Variants in MCC observed in about 807,000 individuals in gnomAD.
The protein encoded by MCC is MCC regulator of Wnt signaling pathway.
Under a neutral mutation model 116.2 loss-of-function variants are expected in MCC, and 90 were observed. The ratio of observed to expected loss-of-function variants is 0.77; its 90% CI spans 0.65 to 0.92. MCC has a LOEUF of 0.92. Ranked by LOEUF, MCC falls within the 40% of genes least tolerant of loss-of-function variation. MCC has a pLI of 0.00. For synonymous variants in MCC, 578 were observed against 510.5 expected (o/e 1.13, Z -1.78); for missense variants, 1,516 against 1,312.2 (o/e 1.16, Z -2.40).
At position 113,286,245 on chromosome 5, in the gene MCC, G is replaced by A. The variant is rs141060876; in HGVS notation, c.627+54274C>T. 2.9e-3 allele frequency among the ~76,000 whole-genome samples: 444 copies of A among 152,348 alleles called. 1 individual carries two copies. Among genetic ancestry groups the A allele is most frequent in the African/African-American group, 0.01 (422 of 41,568 alleles). ...AGCAAGAAGACTCTAAGAGTGCTGTGTGTTCTATGGACAAGTTCACACAAC... is the reference window on the plus strand; with the variant it reads ...AGCAAGAAGACTCTAAGAGTGCTGTATGTTCTATGGACAAGTTCACACAAC... On this transcript the variant is annotated intron_variant, in intron 3 of 18. Coordinates refer to ENST00000408903, the MANE Select transcript of MCC (RefSeq NM_001085377.2).
intron 2 of MCC, among the ~76,000 whole-genome samples, chr5:113,341,500 A>G (rs1167666769): frequency 2.0e-5 from 3 of 151,990 alleles, no homozygotes; most frequent in Non-Finnish European, 4.4e-5. Context: ...ATGACTTTCT[A>G]CTGTTGATGT....
chr5:113,472,154 C>T (rs59254556), intron 1 of MCC, among the ~76,000 whole-genome samples: 5,163 of 152,204 alleles, frequency 0.034, 137 homozygotes, highest in African/African-American at 0.074. Flanking sequence ...ACGCACGGTG[C>T]GCTGCACTCA....
chr5:113,294,631 T>TGCGGCA (rs1299966161), intron 3 of MCC: 2 of 1,134,644 alleles, frequency 1.8e-6, no homozygotes, highest in Non-Finnish European at 2.2e-6. Context: ...CGCTCGCAGC[T>TGCGGCA]GCGGCAGCGG....
At chr5:113,380,220 C>A (rs528342367) in intron 2 of MCC, among the ~76,000 whole-genome samples, 1 of 152,188 alleles carries the variant, frequency 6.6e-6, no homozygotes, top group Non-Finnish European at 1.5e-5. Context: ...GCTTTTCTCA[C>A]AACAGCACAA....
At chr5:113,086,021 C>T (rs1755178667) in intron 8 of MCC, among the ~76,000 whole-genome samples, 1 of 152,204 alleles carries the variant, frequency 6.6e-6, no homozygotes, top group African/African-American at 2.4e-5. Context: ...AATGTTTATT[C>T]TTTCAGCCCC....
chr5:113,094,232 G>C (rs1055437873), intron 8 of MCC, among the ~76,000 whole-genome samples: 2 of 151,982 alleles, frequency 1.3e-5, no homozygotes, highest in South Asian at 4.2e-4. Context: ...TATTGTTAAT[G>C]GCAATTTTGA....
chr5:113,095,786 G>A, intron 8 of MCC, among the ~76,000 whole-genome samples: 1 of 152,218 alleles, frequency 6.6e-6, no homozygotes, highest in East Asian at 1.9e-4. Flanking sequence ...GCCTTTAGAG[G>A]TATCTGATTT....
chr5:113,273,417 A>T (rs1765687251), intron 3 of MCC, among the ~76,000 whole-genome samples: 1 of 152,224 alleles, frequency 6.6e-6, no homozygotes, highest in African/African-American at 2.4e-5. Flanking sequence ...TGTATACTTC[A>T]TTCTGAGTTA....
intron 1 of MCC, among the ~76,000 whole-genome samples, chr5:113,465,595 T>C (rs1266120601): frequency 6.6e-6 from 1 of 152,136 alleles, no homozygotes; most frequent in African/African-American, 2.4e-5. Flanking sequence ...AAGACGAACA[T>C]TTTAGGAAAA....
chr5:113,252,077 C>T (rs1226557300), intron 3 of MCC, among the ~76,000 whole-genome samples: 1 of 152,214 alleles, frequency 6.6e-6, no homozygotes. Context: ...CACCACAACC[C>T]TATTCCTCCA....
chr5:113,176,945 T>A (rs1324499853), intron 3 of MCC, among the ~76,000 whole-genome samples: 1 of 152,168 alleles, frequency 6.6e-6, no homozygotes, highest in African/African-American at 2.4e-5. Flanking sequence ...CTCTCTAAAC[T>A]GTTCTCCAAA....
chr5:113,414,837 A>C (rs1770098216), intron 1 of MCC, among the ~76,000 whole-genome samples: 1 of 152,172 alleles, frequency 6.6e-6, no homozygotes. Flanking sequence ...TTTGCCCGTT[A>C]GTTGATGCAG....
intron 3 of MCC, among the ~76,000 whole-genome samples, chr5:113,185,085 C>T (rs1007396478): frequency 6.6e-6 from 1 of 152,188 alleles, no homozygotes; most frequent in African/African-American, 2.4e-5. Context: ...TAGGCCACTC[C>T]ACGTGGAGAC....
rs939749280 is a variant in MCC at position 113,022,782 on chromosome 5, C to CTGAT, written c.*4516_*4519dup. 1 of 152,204 alleles carries CTGAT rather than the reference C, an allele frequency of 6.6e-6. No homozygotes were observed. The highest frequency in any genetic ancestry group is 2.4e-5 in the African/African-American group (1 of 41,450). The allele number at this position is 152,204 out of a possible 1,614,324, so 9.4% of individuals were successfully genotyped here. The stretch of plus-strand genomic sequence containing the variant: ...TTGTTCTGCTGAGCTGATATTTCAC[C>CTGAT]TGATTAGCAGATGGATGACTGTGGA... On this transcript the variant is annotated 3_prime_UTR_variant, in exon 19 of 19. Coordinates refer to ENST00000408903, the MANE Select transcript of MCC (RefSeq NM_001085377.2).
chr5:113,093,867 C>T (rs932626931), intron 8 of MCC, among the ~76,000 whole-genome samples: 2 of 152,110 alleles, frequency 1.3e-5, no homozygotes, highest in Non-Finnish European at 2.9e-5. Context: ...GCTGATGATA[C>T]GTAGCAGTAC....
intron 1 of MCC, among the ~76,000 whole-genome samples, chr5:113,438,732 C>G (rs1770941928): frequency 6.6e-6 from 1 of 152,288 alleles, no homozygotes; most frequent in Admixed American, 6.5e-5. Context: ...TTTCTTAACA[C>G]TACTAAGCAC....
chr5:113,267,590 ACT>A (rs1364099937), intron 3 of MCC, among the ~76,000 whole-genome samples: 1 of 152,170 alleles, frequency 6.6e-6, no homozygotes, highest in Non-Finnish European at 1.5e-5. Context: ...CCAGCAACAT[ACT>A]GAGATATGCT....
chr5:113,067,972 C>T (rs1753738974), intron 13 of MCC, 108 bp downstream of exon 13: 1 of 956,946 alleles, frequency 1.0e-6, no homozygotes, highest in Non-Finnish European at 1.7e-6. Context: ...ACTTGACAAC[C>T]AAATTTTGTG....
intron 17 of MCC, among the ~76,000 whole-genome samples, chr5:113,029,415 C>G (rs1357564791): frequency 6.6e-6 from 1 of 150,898 alleles, no homozygotes; most frequent in African/African-American, 2.4e-5. Flanking sequence ...CCGTCTGTCT[C>G]CATCCCCTTC....
Sources: allele counts gnomAD v4.1 joint callset (sites outside exome capture counted in the v4.1 genomes callset), GRCh38; gene constraint gnomAD v4.1.1; transcripts MANE v1.5; gene names NCBI Gene and HGNC (gene_info 2026-07-23, HGNC 2026-07-21).